GABRG3: variants seen among roughly 807,000 people sequenced by gnomAD.
GABRG3 encodes the protein gamma-aminobutyric acid type A receptor subunit gamma3.
A neutral mutation model predicts 48.8 loss-of-function variants in GABRG3; 25 were observed. The ratio of observed to expected loss-of-function variants is 0.51; its 90% confidence interval spans 0.37 to 0.72. The LOEUF is 0.72. Among genes scored for constraint, GABRG3 ranks in the 30% least tolerant of loss-of-function variants. GABRG3 has a pLI of 0.00. For synonymous variants in GABRG3, 227 were observed against 217.6 expected (o/e 1.04, Z -0.38); for missense variants, 394 against 577.9 (o/e 0.68, Z 3.26).
chr15:27,044,022 T>C (rs1210785134), intron 3 of GABRG3, among the ~76,000 whole-genome samples: 2 of 151,980 alleles, frequency 1.3e-5, no homozygotes, highest in African/African-American at 4.8e-5. Flanking sequence ...GCCCCTCCAC[T>C]GGGAAACTGG....
intron 5 of GABRG3, among the ~76,000 whole-genome samples, chr15:27,435,622 T>C (rs555266324): frequency 3.7e-4 from 56 of 152,298 alleles, no homozygotes; most frequent in African/African-American, 1.3e-3. Context: ...GAGGGTGTAC[T>C]TTAAATATTA....
At chr15:27,479,461 T>G (rs1890042735) in intron 5 of GABRG3, among the ~76,000 whole-genome samples, 1 of 152,184 alleles carries the variant, frequency 6.6e-6, no homozygotes, top group Non-Finnish European at 1.5e-5. Flanking sequence ...TGTACTTTAT[T>G]TTAGTCTTTC....
At chr15:27,231,262 A>G (rs1461727647) in intron 3 of GABRG3, among the ~76,000 whole-genome samples, 1 of 134,628 alleles carries the variant, frequency 7.4e-6, no homozygotes, top group Non-Finnish European at 1.5e-5. Context: ...TTTTCAAAAA[A>G]TCCTCTAACA....
intron 3 of GABRG3, among the ~76,000 whole-genome samples, chr15:27,230,161 A>G (rs929579862): frequency 2.6e-5 from 4 of 152,016 alleles, no homozygotes; most frequent in South Asian, 2.1e-4. Flanking sequence ...GTGTGTGGCA[A>G]TTGTAAATGG....
At chr15:27,328,542 T>G (rs1174315888) in intron 4 of GABRG3, among the ~76,000 whole-genome samples, 4 of 152,278 alleles carry the variant, frequency 2.6e-5, no homozygotes, top group Admixed American at 2.6e-4. Flanking sequence ...CCTCTCTGAC[T>G]TGGCGTGTAT....
chr15:27,072,438 A>G (rs1341064556), intron 3 of GABRG3, among the ~76,000 whole-genome samples: 1 of 152,056 alleles, frequency 6.6e-6, no homozygotes, highest in Non-Finnish European at 1.5e-5. Context: ...AAGATTCTAG[A>G]GGACACTCAA....
intron 3 of GABRG3, among the ~76,000 whole-genome samples, chr15:27,156,494 T>C (rs895742503): frequency 3.3e-5 from 5 of 152,108 alleles, no homozygotes; most frequent in African/African-American, 1.2e-4. Flanking sequence ...AAGCCCAAGA[T>C]ACTCGCTACC....
intron 3 of GABRG3, among the ~76,000 whole-genome samples, chr15:27,148,345 T>C (rs1398629472): frequency 6.6e-6 from 1 of 151,998 alleles, no homozygotes; most frequent in Non-Finnish European, 1.5e-5. Flanking sequence ...AAGAGGTTTA[T>C]TTTAGTAACC....
intron 5 of GABRG3, among the ~76,000 whole-genome samples, chr15:27,430,977 A>G (rs1015608106): frequency 2.7e-5 from 4 of 150,402 alleles, no homozygotes. Context: ...GTGACAGAGC[A>G]AGTCCCTGTC....
intron 3 of GABRG3, among the ~76,000 whole-genome samples, chr15:27,059,913 CTG>C (rs1360210175): frequency 8.5e-5 from 13 of 152,228 alleles, no homozygotes; most frequent in African/African-American, 2.9e-4. Flanking sequence ...CCTGCTACCT[CTG>C]TGCAGTCAAA....
At chr15:27,026,696 G>A in intron 2 of GABRG3, 58 bp from the exon 3 acceptor site, 2 of 1,273,396 alleles carry the variant, frequency 1.6e-6, no homozygotes, top group Non-Finnish European at 2.2e-6. Flanking sequence ...ACTTGAATGT[G>A]CTCTCCTCTG....
At chr15:27,390,943 G>T (rs1368384213) in intron 5 of GABRG3, among the ~76,000 whole-genome samples, 2 of 152,050 alleles carry the variant, frequency 1.3e-5, no homozygotes, top group African/African-American at 2.4e-5. Context: ...ACAAAAATTA[G>T]CCAAGTGTGG....
Position 27,447,280 on chromosome 15 carries a change from C to A in GABRG3, c.575-33370C>A, listed in dbSNP as rs1257499255. The stretch of plus-strand genomic sequence containing the variant: ...GTCCCAGAAGCATCAGACTAACCTG[C>A]AGCACCCCAGGGAAAGGAGTCGAGC... On this transcript the variant is annotated intron_variant, in intron 5 of 9. Transcript: ENST00000615808. The surrounding 1 kb of genome is among the most constrained non-coding windows in gnomAD (Gnocchi z 4.0). Among the ~76,000 whole-genome samples, 1 of 152,132 alleles carries A rather than the reference C, an allele frequency of 6.6e-6. No individual in the cohort carries two copies. The highest frequency in any genetic ancestry group is 6.5e-5 in the Admixed American group (1 of 15,272).
At position 27,536,830 on chromosome 15, in the gene GABRG3, T is replaced by C. The variant is rs1349907399; in HGVS notation, c.*3949T>C. ...ATTCTGCATTGACTCCAGCTCCCTATGACTAGGAAGCAATGAGCCACTCTA... is the reference window on the plus strand; with the variant it reads ...ATTCTGCATTGACTCCAGCTCCCTACGACTAGGAAGCAATGAGCCACTCTA... On this transcript the variant is annotated 3_prime_UTR_variant, in exon 10 of 10. Coordinates refer to ENST00000615808, the MANE Select transcript of GABRG3 (RefSeq NM_033223.5). 1 of 152,152 alleles carries C rather than the reference T, an allele frequency of 6.6e-6. No individual in the cohort carries two copies. Among genetic ancestry groups the C allele is most frequent in the African/African-American group, 2.4e-5 (1 of 41,424 alleles). 9.4% of individuals were successfully genotyped at this position (152,152 alleles called of 1,614,324 possible).
rs1365361028 is a variant in GABRG3 at position 27,236,814 on chromosome 15, G to A, written c.271-89995G>A. On this transcript the variant is annotated intron_variant, in intron 3 of 9. Transcript: ENST00000615808. This position sits in a 1 kb window ranked among gnomAD's most constrained non-coding sequence, Gnocchi z 4.4. The stretch of plus-strand genomic sequence containing the variant: ...CATGGGTCCCATGAAGAGGCATGAA[G>A]CGCAATTGCACGTGTGTTTGTTTTA... Among the ~76,000 whole-genome samples, 1 of 152,168 alleles carries A rather than the reference G, an allele frequency of 6.6e-6. No homozygotes were observed. The highest frequency in any genetic ancestry group is 2.4e-5 in the African/African-American group (1 of 41,434).
intron 3 of GABRG3, among the ~76,000 whole-genome samples, chr15:27,090,486 C>T (rs951667377): frequency 1.3e-5 from 2 of 152,162 alleles, no homozygotes; most frequent in Admixed American, 6.5e-5. Context: ...GCAGCTGCAC[C>T]GTTTTACAGT....
chr15:27,038,007 G>A (rs996717116), intron 3 of GABRG3, among the ~76,000 whole-genome samples: 4 of 152,142 alleles, frequency 2.6e-5, no homozygotes, highest in Non-Finnish European at 5.9e-5. Flanking sequence ...CAGATGCAGG[G>A]AAGAGCCTGC....
At chr15:27,360,790 A>C (rs1159786538) in intron 5 of GABRG3, among the ~76,000 whole-genome samples, 1 of 152,126 alleles carries the variant, frequency 6.6e-6, no homozygotes, top group African/African-American at 2.4e-5. Flanking sequence ...ATTAGTGTTA[A>C]CCTGTCTGCC....
chr15:27,448,064 T>C (rs1438049839), intron 5 of GABRG3, among the ~76,000 whole-genome samples: 1 of 152,118 alleles, frequency 6.6e-6, no homozygotes, highest in Non-Finnish European at 1.5e-5. Context: ...CAGAGAAAGA[T>C]AGAGGAACTT....
Sources: gnomAD v4.1 joint callset for allele counts (sites outside exome capture counted in the v4.1 genomes callset) on GRCh38, gnomAD v4.1.1 for gene constraint, Gnocchi (gnomAD v3.1) non-coding constraint, MANE v1.5 for transcripts, NCBI Gene and HGNC (gene_info 2026-07-23, HGNC 2026-07-21) for gene names.